PIK3C2G: variants seen among roughly 807,000 people sequenced by gnomAD.
The protein encoded by PIK3C2G is phosphatidylinositol-4-phosphate 3-kinase catalytic subunit type 2 gamma, also known as phosphatidylinositol 3-kinase C2 domain-containing subunit gamma.
Under a neutral mutation model 181.1 loss-of-function variants are expected in PIK3C2G, and 168 were observed. The observed-to-expected ratio is 0.93, with a 90% CI of 0.82 to 1.05. The LOEUF (loss-of-function observed/expected upper bound fraction) is 1.05. Ranked by LOEUF, PIK3C2G falls within the 50% of genes least tolerant of loss-of-function variation. The pLI, the probability that PIK3C2G is intolerant of heterozygous loss-of-function variation, is 0.00. For synonymous variants in PIK3C2G, 573 were observed against 592.2 expected (o/e 0.97, Z 0.47); for missense variants, 1,869 against 1,732.8 (o/e 1.08, Z -1.40).
In PIK3C2G at chr12:18,391,251, C is replaced by A. The variant is rs761090240; in HGVS notation, c.2125C>A (p.Leu709Ile). Residue 709 changes from leucine (L) to isoleucine (I), a missense_variant and splice_region_variant, in exon 15 of 33, where the codon CTA (leucine) becomes ATA (isoleucine). By Grantham distance (5) the Leu-to-Ile change is conservative. Transcript: ENST00000538779. ...ACTTTCACAGAAACAGACTCCCCTA[C>A]TGTAAGTGACCTAGGTCTTGTGAAT... ...ARLSQKQTPL[L>I]LSEEKKRYLW... 2 of 1,569,930 alleles carry A rather than the reference C, an allele frequency of 1.3e-6. No individual in the cohort carries two copies. Among genetic ancestry groups the A allele is most frequent in the Non-Finnish European group, 1.7e-6 (2 of 1,160,756 alleles).
intron 5 of PIK3C2G, among the ~76,000 whole-genome samples, chr12:18,311,992 G>A (rs946724045): frequency 2.6e-5 from 4 of 152,142 alleles, no homozygotes; most frequent in Non-Finnish European, 5.9e-5. Flanking sequence ...CATCCAGCAT[G>A]GGAGAAAGAT....
chr12:18,598,628 A>T (rs1165452375), intron 30 of PIK3C2G, among the ~76,000 whole-genome samples: 16 of 149,718 alleles, frequency 1.1e-4, no homozygotes, highest in African/African-American at 3.9e-4. Flanking sequence ...CAATGGCAAC[A>T]AAAGCCAAAA....
chr12:18,715,418 T>TA, the PIK3C2G span, among the ~76,000 whole-genome samples: 1 of 151,692 alleles, frequency 6.6e-6, no homozygotes, highest in Non-Finnish European at 1.5e-5. Flanking sequence ...TTGTTTTTTT[T>TA]AGAGACAGAG....
chr12:18,529,358 TAA>T (rs944297945), intron 24 of PIK3C2G, among the ~76,000 whole-genome samples: 9 of 152,004 alleles, frequency 5.9e-5, no homozygotes, highest in Admixed American at 2.0e-4. Flanking sequence ...CTTACTTTTT[TAA>T]AAAAAATCTA....
intron 6 of PIK3C2G, among the ~76,000 whole-genome samples, chr12:18,316,994 C>T (rs1216789638): frequency 1.3e-5 from 2 of 150,488 alleles, no homozygotes; most frequent in African/African-American, 4.9e-5. Flanking sequence ...GTATCCCCAT[C>T]TCTCTAAGTC....
At chr12:18,322,155 C>T (rs370996430) in intron 7 of PIK3C2G, among the ~76,000 whole-genome samples, 8 of 152,056 alleles carry the variant, frequency 5.3e-5, no homozygotes, top group Non-Finnish European at 1.0e-4. Flanking sequence ...GAGGCCTAGG[C>T]GGGCGGATCA....
At chr12:18,248,922 T>G (rs1458648536) in intron 1 of PIK3C2G, among the ~76,000 whole-genome samples, 2 of 152,206 alleles carry the variant, frequency 1.3e-5, no homozygotes, top group East Asian at 3.9e-4. Flanking sequence ...ACATCTCCAT[T>G]TATGCATATT....
At chr12:18,406,706 C>A (rs56157447) in intron 16 of PIK3C2G, among the ~76,000 whole-genome samples, 36,401 of 151,966 alleles carry the variant, frequency 0.24, 4,632 homozygotes, top group Admixed American at 0.35. Flanking sequence ...GCCTGGAACA[C>A]AAGTGCAAGC....
At chr12:18,369,732 T>TATGATCATATAACGGTCGTATAATTGAC (rs2137863164) in intron 12 of PIK3C2G, among the ~76,000 whole-genome samples, 1 of 74,294 alleles carries the variant, frequency 1.3e-5, no homozygotes, top group African/African-American at 5.7e-5. Context: ...ATAATTGACA[T>TATGATCATATAACGGTCGTATAATTGAC]ATGATCATAT....
At chr12:18,286,537 A>AT (rs1426644518) in intron 2 of PIK3C2G, among the ~76,000 whole-genome samples, 1 of 152,098 alleles carries the variant, frequency 6.6e-6, no homozygotes, top group Non-Finnish European at 1.5e-5. Context: ...ATAAATCTAA[A>AT]TAACAGTAGT....
In PIK3C2G at chr12:18,485,711, A is replaced by G. The variant is rs189167190; in HGVS notation, c.2505-2738A>G. ...GTTTGTGCAAAATCACATTGCCTGC[A>G]TCTTAAAAGCCCAGTCTTTTAATAG... On this transcript the variant is annotated intron_variant, in intron 18 of 32. Coordinates refer to ENST00000538779, the MANE Select transcript of PIK3C2G (RefSeq NM_001288772.2). Among the ~76,000 whole-genome samples, 17 of 152,282 alleles carry G rather than the reference A, an allele frequency of 1.1e-4. No homozygotes were observed. The East Asian group carries it at 3.1e-3, about 28-fold the overall frequency.
intron 16 of PIK3C2G, among the ~76,000 whole-genome samples, chr12:18,400,232 T>A (rs1047641354): frequency 6.6e-6 from 1 of 152,144 alleles, no homozygotes; most frequent in Non-Finnish European, 1.5e-5. Context: ...CTGTGTAAAG[T>A]AGTTGTACAA....
chr12:18,317,997 T>C (rs892642567), intron 6 of PIK3C2G, among the ~76,000 whole-genome samples: 3 of 152,210 alleles, frequency 2.0e-5, no homozygotes, highest in African/African-American at 7.2e-5. Context: ...CTGTGTGCTA[T>C]TTTGGCCCTT....
chr12:18,665,299 G>A, the PIK3C2G span, among the ~76,000 whole-genome samples: 2 of 152,186 alleles, frequency 1.3e-5, no homozygotes, highest in Middle Eastern at 6.8e-3. Flanking sequence ...GAGTTCTGGA[G>A]ATGGATATTA....
At chr12:18,347,224 G>GAA (rs77196666) in intron 11 of PIK3C2G, among the ~76,000 whole-genome samples, 56 of 148,786 alleles carry the variant, frequency 3.8e-4, no homozygotes, top group South Asian at 8.5e-4. Flanking sequence ...TTTAAAAATA[G>GAA]AAAAAAAAAA....
At chr12:18,463,953 C>G (rs535814415) in intron 18 of PIK3C2G, among the ~76,000 whole-genome samples, 237 of 152,254 alleles carry the variant, frequency 1.6e-3, no homozygotes, top group Non-Finnish European at 2.6e-3. Context: ...ATTCAGTGTC[C>G]TTTCCTCTTC....
intron 13 of PIK3C2G, among the ~76,000 whole-genome samples, chr12:18,379,959 A>G (rs780184044): frequency 1.2e-3 from 188 of 152,204 alleles, no homozygotes; most frequent in Non-Finnish European, 2.0e-3. Context: ...GAAGGCCCAC[A>G]AAAGCTAAAC....
intron 1 of PIK3C2G, among the ~76,000 whole-genome samples, chr12:18,275,824 C>A (rs1948962851): frequency 6.6e-6 from 1 of 152,232 alleles, no homozygotes; most frequent in African/African-American, 2.4e-5. Flanking sequence ...TTACTTCCTT[C>A]AAGTTAGCTT....
intron 28 of PIK3C2G, among the ~76,000 whole-genome samples, chr12:18,565,203 G>A (rs141888124): frequency 6.6e-5 from 10 of 152,224 alleles, no homozygotes; most frequent in African/African-American, 2.2e-4. Flanking sequence ...GAAGCCCTAC[G>A]AGAGTTATGT....
Sources: gnomAD v4.1 joint callset for allele counts (sites outside exome capture counted in the v4.1 genomes callset) on GRCh38, gnomAD v4.1.1 for gene constraint, MANE v1.5 for transcripts, NCBI Gene and HGNC (gene_info 2026-07-23, HGNC 2026-07-21) for gene names.